The following MSRA variants were observed in gnomAD, a reference collection of about 807,000 sequenced individuals.
The protein encoded by MSRA is mitochondrial peptide methionine sulfoxide reductase.
Under a neutral mutation model 31.3 loss-of-function variants are expected in MSRA, and 54 were observed. That is an observed-to-expected ratio of 1.73 (90% CI 1.39 to 2.17). MSRA has a LOEUF of 2.17. MSRA is among the 30% of genes most tolerant of loss of function. MSRA has a pLI of 0.00. For missense variants in MSRA, 507 were observed against 300.9 expected (o/e 1.69, Z -5.07); for synonymous variants, 169 against 116.5 (o/e 1.45, Z -2.90).
chr8:10,125,352 G>A lies in MSRA; in HGVS notation c.142+70694G>A, dbSNP rs369958941. ...CACAGATCAAAATCTTGGTAGAAAA[G>A]TGAGCCCAGGTAGTCACAGGCTTGA... is the stretch of plus-strand genomic sequence containing the variant. On this transcript the variant is annotated intron_variant, in intron 1 of 5. Coordinates refer to ENST00000317173, the MANE Select transcript of MSRA (RefSeq NM_012331.5). Among the ~76,000 whole-genome samples, 60 of 152,340 alleles carry A rather than the reference G, an allele frequency of 3.9e-4. 1 individual carries two copies. The South Asian group carries it at 0.012, about 29-fold the overall frequency.
At chr8:10,085,304 T>A (rs373842044) in intron 1 of MSRA, among the ~76,000 whole-genome samples, 2 of 152,326 alleles carry the variant, frequency 1.3e-5, no homozygotes, top group East Asian at 1.9e-4. Flanking sequence ...TGGCCCCATT[T>A]GAGATGAACA....
intron 5 of MSRA, among the ~76,000 whole-genome samples, chr8:10,415,155 C>T (rs537012946): frequency 6.6e-6 from 1 of 152,202 alleles, no homozygotes; most frequent in South Asian, 2.1e-4. Flanking sequence ...GTTTCATGCT[C>T]TGGCCCCAGG....
At position 10,112,258 on chromosome 8, in the gene MSRA, A is replaced by G. The variant is rs187428919; in HGVS notation, c.142+57600A>G. ...GTAGTGTAATACAGTCTATTAATTC[A>G]TTAGAAAAGAGACTGACCATCTTGA... On this transcript the variant is annotated intron_variant, in intron 1 of 5. Coordinates refer to ENST00000317173, the MANE Select transcript of MSRA (RefSeq NM_012331.5). Among the ~76,000 whole-genome samples the G allele has an allele frequency of 2.2e-4, 34 of 152,316 alleles. No homozygotes were observed. The East Asian group carries it at 6.0e-3, about 27-fold the overall frequency.
chr8:10,366,662 A>G (rs1373273474), intron 5 of MSRA, among the ~76,000 whole-genome samples: 1 of 151,936 alleles, frequency 6.6e-6, no homozygotes, highest in Non-Finnish European at 1.5e-5. Context: ...TGTACCTGTA[A>G]CAGTACCTGC....
chr8:10,136,640 G>A (rs974682322), intron 1 of MSRA, among the ~76,000 whole-genome samples: 6 of 152,304 alleles, frequency 3.9e-5, no homozygotes, highest in South Asian at 2.1e-4. Flanking sequence ...GAGCCTTTAC[G>A]TCAAGGGATA....
rs35940076 is a variant in MSRA, at chr8:10,328,027, A to ATTTTTTTTTTTTTTTTTT, written c.543+8046_543+8063dup. Among the ~76,000 whole-genome samples, 13 of 65,332 alleles carry ATTTTTTTTTTTTTTTTTT rather than the reference A, an allele frequency of 2.0e-4. 4 individuals carry two copies. The highest frequency in any genetic ancestry group is 9.2e-4 in the African/African-American group (13 of 14,106). The allele number at this position is 65,332 out of a possible 152,430, so 42.9% of individuals were successfully genotyped here. A position where few individuals can be genotyped will look rare whatever the true frequency, so the allele number is the denominator to read the frequency against. On this transcript the variant is annotated intron_variant, in intron 5 of 5. Transcript: ENST00000317173. ...TAGTTTGAATACCATCTCTATGGTA[A>ATTTTTTTTTTTTTTTTTT]TTTTTTTTTTTTTTTTTTTTTTTTT...
At chr8:10,177,548 G>A (rs1055669331) in intron 1 of MSRA, among the ~76,000 whole-genome samples, 2 of 152,152 alleles carry the variant, frequency 1.3e-5, no homozygotes, top group African/African-American at 4.8e-5. Flanking sequence ...TACTTACCCT[G>A]ATGGCTATAG....
At chr8:10,057,589 C>T (rs1802451593) in intron 1 of MSRA, among the ~76,000 whole-genome samples, 1 of 152,234 alleles carries the variant, frequency 6.6e-6, no homozygotes, top group Non-Finnish European at 1.5e-5. Flanking sequence ...TAATTCCCAC[C>T]TGTTGGAGGA....
At chr8:10,337,896 T>C (rs748581318) in intron 5 of MSRA, 20 of 683,386 alleles carry the variant, frequency 2.9e-5, no homozygotes, top group Non-Finnish European at 4.5e-5. Flanking sequence ...TTCTTTGTTA[T>C]GACAGCAGGG....
chr8:10,405,529 T>A (rs537208456), intron 5 of MSRA, among the ~76,000 whole-genome samples: 1 of 152,218 alleles, frequency 6.6e-6, no homozygotes, highest in Non-Finnish European at 1.5e-5. Flanking sequence ...CTTTTTACCC[T>A]GACACCTCAG....
At chr8:10,236,356 G>A (rs1299859665) in intron 2 of MSRA, among the ~76,000 whole-genome samples, 1 of 152,180 alleles carries the variant, frequency 6.6e-6, no homozygotes, top group Non-Finnish European at 1.5e-5. Flanking sequence ...GGAAATCAAT[G>A]AGAAGGTGGA....
intron 3 of MSRA, among the ~76,000 whole-genome samples, chr8:10,276,018 A>C (rs1397607025): frequency 6.6e-6 from 1 of 152,222 alleles, no homozygotes; most frequent in Non-Finnish European, 1.5e-5. Flanking sequence ...TTGCTCCAAC[A>C]CTGGCTGGTG....
At chr8:10,144,390 G>A (rs548787770) in intron 1 of MSRA, among the ~76,000 whole-genome samples, 28 of 152,268 alleles carry the variant, frequency 1.8e-4, no homozygotes, top group East Asian at 7.7e-4. Flanking sequence ...TAAAACCAGC[G>A]TAATAGTAGT....
At chr8:10,283,189 G>T (rs890080944) in intron 3 of MSRA, among the ~76,000 whole-genome samples, 1 of 91,306 alleles carries the variant, frequency 1.1e-5, no homozygotes, top group South Asian at 3.3e-4. Context: ...CTGGGGAAAG[G>T]TTTGTTGCAG....
intron 1 of MSRA, among the ~76,000 whole-genome samples, chr8:10,200,273 T>G (rs925105994): frequency 1.3e-5 from 2 of 152,210 alleles, no homozygotes; most frequent in East Asian, 3.9e-4. Flanking sequence ...TGATTTGTTT[T>G]TCGTGCTGTG....
chr8:10,405,653 G>A (rs1156697902), intron 5 of MSRA, among the ~76,000 whole-genome samples: 1 of 152,252 alleles, frequency 6.6e-6, no homozygotes. Flanking sequence ...AGTGATGGGA[G>A]TGGGAGCAGA....
At chr8:10,360,111 C>G (rs965524526) in intron 5 of MSRA, among the ~76,000 whole-genome samples, 1 of 152,212 alleles carries the variant, frequency 6.6e-6, no homozygotes, top group African/African-American at 2.4e-5. Flanking sequence ...CCTCGTAACA[C>G]AGGCCCTTGC....
At chr8:10,059,102 G>C (rs1013714698) in intron 1 of MSRA, 1 of 152,106 alleles carries the variant, frequency 6.6e-6, no homozygotes, top group African/African-American at 2.4e-5. Flanking sequence ...TGATAAAGGT[G>C]GTATCTCAAG....
chr8:10,394,550 G>C (rs1030983606), intron 5 of MSRA, among the ~76,000 whole-genome samples: 14 of 152,224 alleles, frequency 9.2e-5, no homozygotes, highest in African/African-American at 2.2e-4. Context: ...TCCCTGAGCA[G>C]CTCTGTCAGA....
Sources: allele counts gnomAD v4.1 joint callset (sites outside exome capture counted in the v4.1 genomes callset), GRCh38; gene constraint gnomAD v4.1.1; transcripts MANE v1.5; gene names NCBI Gene and HGNC (gene_info 2026-07-23, HGNC 2026-07-21).